Variants in BAZ2B observed in about 807,000 individuals in gnomAD.
BAZ2B encodes the protein bromodomain adjacent to zinc finger domain 2B, also known as bromodomain adjacent to zinc finger domain protein 2B.
Under a neutral mutation model 246.0 loss-of-function variants are expected in BAZ2B, and 91 were observed. That is an observed-to-expected ratio of 0.37 (90% CI 0.31 to 0.44). The LOEUF is 0.44. Ranked by LOEUF, BAZ2B falls within the 20% of genes least tolerant of loss-of-function variation. BAZ2B has a pLI of 1.00. For synonymous variants in BAZ2B, 855 were observed against 860.0 expected (o/e 0.99, Z 0.10); for missense variants, 2,332 against 2,533.7 (o/e 0.92, Z 1.71).
intron 2 of BAZ2B, among the ~76,000 whole-genome samples, chr2:159,550,538 G>A (rs1487735202): frequency 6.6e-6 from 1 of 152,100 alleles, no homozygotes; most frequent in East Asian, 1.9e-4. Flanking sequence ...CTGCAAGGGA[G>A]ACTGGGGAAA....
At chr2:159,547,164 G>A (rs1409732520) in intron 2 of BAZ2B, among the ~76,000 whole-genome samples, 1 of 152,146 alleles carries the variant, frequency 6.6e-6, no homozygotes, top group Non-Finnish European at 1.5e-5. Context: ...AGCATGAGAT[G>A]TGCTATTTGC....
At chr2:159,577,361 G>A (rs1373635262) in intron 1 of BAZ2B, among the ~76,000 whole-genome samples, 2 of 152,128 alleles carry the variant, frequency 1.3e-5, no homozygotes, top group East Asian at 1.9e-4. Flanking sequence ...CATTTACCAC[G>A]TTAAAGAGGT....
chr2:159,619,552 CTT>C (rs1696348707), upstream of BAZ2B, among the ~76,000 whole-genome samples: 1 of 149,972 alleles, frequency 6.7e-6, no homozygotes, highest in Non-Finnish European at 1.5e-5. Context: ...ATAATAAAAA[CTT>C]TAATTTTATA....
chr2:159,683,184 C>G, the BAZ2B span, among the ~76,000 whole-genome samples: 1 of 152,084 alleles, frequency 6.6e-6, no homozygotes, highest in African/African-American at 2.4e-5. Context: ...TGGGAAAATA[C>G]GTTCTGAACA....
At chr2:159,479,635 C>A (rs1433295195) in intron 2 of BAZ2B, among the ~76,000 whole-genome samples, 2 of 152,072 alleles carry the variant, frequency 1.3e-5, no homozygotes, top group Non-Finnish European at 2.9e-5. Flanking sequence ...AGGCAACTCA[C>A]AGAAGAACTG....
chr2:159,349,150 C>G lies in BAZ2B; in HGVS notation c.4994G>C (p.Gly1665Ala). 1 of 1,614,072 alleles carries G rather than the reference C, an allele frequency of 6.2e-7. No homozygotes were observed. The highest frequency in any genetic ancestry group is 8.5e-7 in the Non-Finnish European group (1 of 1,179,970). The change falls in exon 29 of 37, where the codon GGT (glycine) becomes GCT (alanine). Residue 1665 changes from glycine (G) to alanine (A), a missense_variant. Physicochemically the swap from Gly to Ala is moderately conservative, Grantham distance 60. Transcript: ENST00000392783. ...GSGLGLSEGN[G>A]NSFLTSNVAS... is the part of the protein sequence containing the mutation. ...AACATTGGAAGTCAAGAATGAATTA[C>G]CATTTCCTTCTGATAACCCTAACCC...
At chr2:159,674,982 C>T in the BAZ2B span, among the ~76,000 whole-genome samples, 1 of 152,120 alleles carries the variant, frequency 6.6e-6, no homozygotes, top group African/African-American at 2.4e-5. Flanking sequence ...TTTGTCGCAG[C>T]ATTAAGCAAA....
At chr2:159,534,651 C>T (rs1156573490) in intron 2 of BAZ2B, among the ~76,000 whole-genome samples, 6 of 148,664 alleles carry the variant, frequency 4.0e-5, no homozygotes, top group Admixed American at 1.3e-4. Context: ...TTTTCTGAGA[C>T]GGAGTCTCGC....
At chr2:159,409,103 A>G (rs979528996) in intron 14 of BAZ2B, among the ~76,000 whole-genome samples, 1 of 152,098 alleles carries the variant, frequency 6.6e-6, no homozygotes, top group Non-Finnish European at 1.5e-5. Flanking sequence ...CTAATTTGGA[A>G]AGTATCTTTT....
intron 27 of BAZ2B, among the ~76,000 whole-genome samples, chr2:159,351,824 A>C (rs951562036): frequency 7.9e-5 from 12 of 152,236 alleles, no homozygotes; most frequent in African/African-American, 2.9e-4. Context: ...ACTTTATTCA[A>C]TTTGAAAAGT....
At chr2:159,517,880 G>A (rs763989619) in intron 2 of BAZ2B, among the ~76,000 whole-genome samples, 4 of 152,128 alleles carry the variant, frequency 2.6e-5, no homozygotes. Flanking sequence ...AATGACACAT[G>A]AAATAGCAAG....
the BAZ2B span, among the ~76,000 whole-genome samples, chr2:159,644,763 C>T: frequency 0.13 from 19,530 of 152,126 alleles, 1,808 homozygotes; most frequent in Non-Finnish European, 0.2. Context: ...ACCCAGGAGG[C>T]GCACCCACTA....
chr2:159,485,700 C>T (rs1202308067), intron 2 of BAZ2B, among the ~76,000 whole-genome samples: 38 of 152,044 alleles, frequency 2.5e-4, no homozygotes, highest in Admixed American at 2.4e-3. Flanking sequence ...TAAAAAACAA[C>T]TGACCCCCAA....
intron 21 of BAZ2B, among the ~76,000 whole-genome samples, chr2:159,388,210 T>C (rs139489865): frequency 0.014 from 2,128 of 152,222 alleles, 36 homozygotes; most frequent in Middle Eastern, 0.071. Context: ...TGCATATAAG[T>C]AAATACATAT....
intron 2 of BAZ2B, among the ~76,000 whole-genome samples, chr2:159,509,970 AT>A (rs1225368014): frequency 1.3e-5 from 2 of 152,052 alleles, no homozygotes; most frequent in South Asian, 4.1e-4. Context: ...AAATGGAACT[AT>A]AAAAGGAAAT....
At chr2:159,544,165 T>C (rs2087006463) in intron 2 of BAZ2B, among the ~76,000 whole-genome samples, 1 of 152,174 alleles carries the variant, frequency 6.6e-6, no homozygotes, top group Admixed American at 6.6e-5. Context: ...GTTTTTTTTT[T>C]CCTTTGGCTG....
intron 27 of BAZ2B, among the ~76,000 whole-genome samples, chr2:159,365,824 T>C (rs965360962): frequency 1.3e-5 from 2 of 152,176 alleles, no homozygotes; most frequent in African/African-American, 4.8e-5. Flanking sequence ...GGACTGTGCT[T>C]GGGCATAAAC....
At chr2:159,462,093 G>A in intron 3 of BAZ2B, 1 of 255,734 alleles carries the variant, frequency 3.9e-6, no homozygotes, top group Non-Finnish European at 7.5e-6. Flanking sequence ...TCATGGCTAG[G>A]AAACTTTTTT....
chr2:159,467,546 G>A (rs958835173), intron 3 of BAZ2B, among the ~76,000 whole-genome samples: 1 of 152,148 alleles, frequency 6.6e-6, no homozygotes, highest in South Asian at 2.1e-4. Context: ...CTTATGTTGT[G>A]TCCATTCCTT....
Sources: allele counts gnomAD v4.1 joint callset (sites outside exome capture counted in the v4.1 genomes callset), GRCh38; gene constraint gnomAD v4.1.1; transcripts MANE v1.5; gene names NCBI Gene and HGNC (gene_info 2026-07-23, HGNC 2026-07-21).